The following KIAA0753 variants were observed in gnomAD, a reference collection of about 807,000 sequenced individuals.
The protein encoded by KIAA0753 is KIAA0753, also known as protein moonraker.
A neutral mutation model predicts 116.9 loss-of-function variants in KIAA0753; 114 were observed. That is an observed-to-expected ratio of 0.98 (90% CI 0.84 to 1.14). KIAA0753 has a LOEUF of 1.14. Ranked by LOEUF, KIAA0753 falls within the 50% of genes most tolerant of loss-of-function variation. The probability of loss-of-function intolerance (pLI) is 0.00; values close to 1 mark genes in which losing one functional copy is unlikely to be tolerated. For synonymous variants in KIAA0753, 405 were observed against 413.1 expected (o/e 0.98, Z 0.24); for missense variants, 1,156 against 1,172.4 (o/e 0.99, Z 0.20).
intron 18 of KIAA0753, among the ~76,000 whole-genome samples, chr17:6,588,137 G>A (rs577665360): frequency 5.3e-5 from 8 of 152,176 alleles, no homozygotes; most frequent in East Asian, 3.9e-4. Flanking sequence ...ACCCCTATTC[G>A]CAGCTAAGTG....
At chr17:6,580,575 C>T (rs1481214992) in intron 18 of KIAA0753, among the ~76,000 whole-genome samples, 1 of 152,068 alleles carries the variant, frequency 6.6e-6, no homozygotes, top group Non-Finnish European at 1.5e-5. Context: ...CTTGGCCTCC[C>T]AAAGTGCTGG....
chr17:6,594,451 G>C lies in KIAA0753; in HGVS notation c.2440+521C>G, dbSNP rs907849700. 2.6e-5 allele frequency among the ~76,000 whole-genome samples: 4 copies of C among 152,196 alleles called. No individual in the cohort carries two copies. The South Asian group carries it at 8.3e-4, about 32-fold the overall frequency. ...TTATAAAACACTATGGTGAATGAAA[G>C]AAGTCTAGGCAAAAGAGTACACACC... On this transcript the variant is annotated intron_variant, in intron 16 of 18. Transcript: ENST00000361413.
Position 6,628,585 on chromosome 17 carries a change from C to A in KIAA0753, c.250G>T (p.Gly84Cys), listed in dbSNP as rs1971827379. ...DADCRVGPDL[G>C]SSVSFSVISQ... The stretch of plus-strand genomic sequence containing the variant: ...ATGACGGAAAATGAAACAGAACTGC[C>A]CAGGTCAGGACCAACTCTACAATCT... The change falls in exon 3 of 19, where the codon GGC becomes TGC. Residue 84 changes from glycine (G) to cysteine (C), a missense_variant. By Grantham distance (159) the Gly-to-Cys change is radical (BLOSUM62 -3). Transcript: ENST00000361413. The A allele has an allele frequency of 6.2e-7, 1 of 1,614,096 alleles. No individual in the cohort carries two copies. Among genetic ancestry groups the A allele is most frequent in the South Asian group, 1.1e-5 (1 of 91,088 alleles).
At chr17:6,623,620 T>G (rs2150890733) in intron 4 of KIAA0753, 49 bp from the exon 5 acceptor site, 1 of 1,576,556 alleles carries the variant, frequency 6.3e-7, no homozygotes, top group Non-Finnish European at 8.6e-7. Flanking sequence ...TCCATTGATC[T>G]TTTTTGTAGA....
rs1050352747 is a variant in KIAA0753, at chr17:6,590,570, T to G, written c.2501A>C (p.Lys834Thr). 21 of 1,613,990 alleles carry G rather than the reference T, an allele frequency of 1.3e-5. No individual in the cohort carries two copies. Among genetic ancestry groups the G allele is most frequent in the African/African-American group, 4.0e-5 (3 of 74,922 alleles). Residue 834 changes from lysine to threonine, a missense_variant, in exon 17 of 19, where the codon AAG (lysine) becomes ACG (threonine). Lys to Thr is a moderately conservative substitution (Grantham distance 78). Coordinates refer to ENST00000361413, the MANE Select transcript of KIAA0753 (RefSeq NM_014804.3). ...GGCTGGATCCTTGCGATCCACTGTC[T>G]TCGTGATTCTGATTGGATGAGGAGA... ...PLSPHPIRITKTVDRKDPAVN... is the reference protein window; with the variant it reads ...PLSPHPIRITTTVDRKDPAVN...
intron 8 of KIAA0753, among the ~76,000 whole-genome samples, chr17:6,610,674 C>G (rs1373361612): frequency 6.6e-6 from 1 of 151,710 alleles, no homozygotes; most frequent in East Asian, 1.9e-4. Flanking sequence ...GTGTTAGATA[C>G]CATGCCTGGC....
At position 6,628,121 on chromosome 17, in the gene KIAA0753, T is replaced by C; in HGVS notation, c.714A>G (p.Lys238=). The C allele has an allele frequency of 1.9e-6, 3 of 1,605,382 alleles. No homozygotes were observed. Among genetic ancestry groups the C allele is most frequent in the Non-Finnish European group, 2.5e-6 (3 of 1,176,596 alleles). The change falls in exon 3 of 19, where the codon AAA becomes AAG. Residue 238 remains lysine, a synonymous_variant. Transcript: ENST00000361413. The part of the protein sequence containing the change: ...SCIHKIEEVT[K]KDRLEEALDP... ...AAAGAATCTAATTTTTCTCACCTTT[T>C]TTAGTTACCTCTTCAATTTTGTGGA...
Position 6,628,735 on chromosome 17 carries a change from G to A in KIAA0753, c.100C>T (p.Leu34=), listed in dbSNP as rs1971842224. Residue 34 remains leucine (L), a synonymous_variant, in exon 3 of 19, where the codon CTG becomes TTG. Transcript: ENST00000361413. ...GTAGGAACATTCCTATTAAACTGCA[G>A]CTGGTTCTTTAAAAAGCAAATAAAA... ...DPKVLQTQNQ[L]QFNRNVPTHS... The A allele has an allele frequency of 6.3e-7, 1 of 1,583,954 alleles. No individual in the cohort carries two copies. Among genetic ancestry groups the A allele is most frequent in the African/African-American group, 1.4e-5 (1 of 73,384 alleles).
intron 18 of KIAA0753, among the ~76,000 whole-genome samples, chr17:6,585,915 GCCT>G (rs1328939081): frequency 6.6e-6 from 1 of 152,028 alleles, no homozygotes; most frequent in Non-Finnish European, 1.5e-5. Context: ...TGTCAACCAA[GCCT>G]CCTATTTCCT....
At chr17:6,605,088 G>C (rs1390121046) in intron 12 of KIAA0753, among the ~76,000 whole-genome samples, 1 of 75,832 alleles carries the variant, frequency 1.3e-5, no homozygotes, top group African/African-American at 4.5e-5. Flanking sequence ...TCTCTAACTT[G>C]AAAAAAAAAA....
At position 6,623,504 on chromosome 17, in the gene KIAA0753, C is replaced by CTTCTT; in HGVS notation, c.888+4_888+5insAAGAA. On this transcript the variant is annotated splice_donor_region_variant and intron_variant, in intron 5 of 18. Coordinates refer to ENST00000361413, the MANE Select transcript of KIAA0753 (RefSeq NM_014804.3). ...AGTATTGATCATAATTTAATTGCAGCATACCTTCTTAGTGTGTTTAATTTT... is the reference window on the plus strand; with the variant it reads ...AGTATTGATCATAATTTAATTGCAGCTTCTTATACCTTCTTAGTGTGTTTAATTTT... 1.3e-6 allele frequency: 2 copies of CTTCTT among 1,589,562 alleles called. No homozygotes were observed. Among genetic ancestry groups the CTTCTT allele is most frequent in the South Asian group, 2.2e-5 (2 of 88,932 alleles).
rs760624766 is a variant in KIAA0753, at chr17:6,599,197, A to C, written c.2172+40T>G. The C allele has an allele frequency of 4.4e-6, 6 of 1,376,498 alleles. No homozygotes were observed. In the South Asian group the frequency reaches 7.0e-5, roughly 16 times the overall value. The allele number at this position is 1,376,498 out of a possible 1,614,324, so 85.3% of individuals were successfully genotyped here. On this transcript the variant is annotated intron_variant, in intron 14 of 18. Coordinates refer to ENST00000361413, the MANE Select transcript of KIAA0753 (RefSeq NM_014804.3). ...TTTCATTACAACTAAAGATGTTATC[A>C]AGCAATAATACCAGAATGCCAATAT...
Position 6,627,085 on chromosome 17 carries a change from T to A in KIAA0753, c.718+1032A>T, listed in dbSNP as rs555428995. ...CTTTAAGAAGACCTACAGGAGAAAT[T>A]TCTTTCTGGCCTTAATATGTGGAAT... On this transcript the variant is annotated intron_variant, in intron 3 of 18. Transcript: ENST00000361413. Among the ~76,000 whole-genome samples the A allele has an allele frequency of 5.3e-5, 8 of 152,292 alleles. No individual in the cohort carries two copies. In the South Asian group the frequency reaches 1.7e-3, roughly 32 times the overall value.
At chr17:6,590,296 TA>T (rs551770673) in intron 17 of KIAA0753, among the ~76,000 whole-genome samples, 142 of 152,232 alleles carry the variant, frequency 9.3e-4, no homozygotes, top group African/African-American at 3.3e-3. Context: ...AAAAAACAGC[TA>T]AATGTTATTG....
rs1468307278 is a variant in KIAA0753 at position 6,578,425 on chromosome 17, T to G, written c.*1322A>C. 1.3e-5 allele frequency: 2 copies of G among 152,214 alleles called. No individual in the cohort carries two copies. Among genetic ancestry groups the G allele is most frequent in the Admixed American group, 1.3e-4 (2 of 15,280 alleles). 9.4% of individuals were successfully genotyped at this position (152,214 alleles called of 1,614,324 possible). A position where few individuals can be genotyped will look rare whatever the true frequency, so the allele number is the denominator to read the frequency against. On this transcript the variant is annotated 3_prime_UTR_variant, in exon 19 of 19. Coordinates refer to ENST00000361413, the MANE Select transcript of KIAA0753 (RefSeq NM_014804.3). ...CAACCGGTGCTCCTATTAATTCAAG[T>G]GTACACATTTAACTCCCCAGGTTAA...
At position 6,589,987 on chromosome 17, in the gene KIAA0753, C is replaced by A; in HGVS notation, c.2578G>T (p.Val860Leu). The A allele has an allele frequency of 6.4e-7, 1 of 1,565,270 alleles. No individual in the cohort carries two copies. The highest frequency in any genetic ancestry group is 1.2e-5 in the South Asian group (1 of 83,286). The change falls in exon 18 of 19, where the codon GTG becomes TTG. Residue 860 changes from valine (V) to leucine (L), a missense_variant. Coordinates refer to ENST00000361413, the MANE Select transcript of KIAA0753 (RefSeq NM_014804.3). ...TTCTCTGATCCTTCCTCTGTTCCCA[C>A]ACTTTCATCCAGGGAACTGAGAACA... ...PCNGNSLDES[V>L]GTEEGSEKRE...
At chr17:6,609,879 A>G (rs1393127012) in intron 9 of KIAA0753, 115 bp downstream of exon 9, 12 of 1,153,104 alleles carry the variant, frequency 1.0e-5, no homozygotes. Flanking sequence ...TTTCTGCTTA[A>G]TGGAAAAAAT....
rs747004423 is a variant in KIAA0753 at position 6,606,935 on chromosome 17, A to G, written c.1947T>C (p.Ser649=). 6.2e-7 allele frequency: 1 copy of G among 1,614,116 alleles called. No individual in the cohort carries two copies. Among genetic ancestry groups the G allele is most frequent in the African/African-American group, 1.3e-5 (1 of 75,036 alleles). ...QRLDWLDAET[S]RRTKELNELK... Reference sequence around the variant, plus strand: ...GCTCATTCAGTTCCTTTGTTCTTCTAGAAGTTTCAGCATCAAGCCAATCAA... The same window carrying G: ...GCTCATTCAGTTCCTTTGTTCTTCTGGAAGTTTCAGCATCAAGCCAATCAA... The change falls in exon 12 of 19, where the codon TCT becomes TCC. Residue 649 remains serine (S), a synonymous_variant. Transcript: ENST00000361413.
At position 6,628,489 on chromosome 17, in the gene KIAA0753, G is replaced by A; in HGVS notation, c.346C>T (p.His116Tyr). 6.2e-7 allele frequency: 1 copy of A among 1,614,156 alleles called. No individual in the cohort carries two copies. Among genetic ancestry groups the A allele is most frequent in the South Asian group, 1.1e-5 (1 of 91,084 alleles). The change falls in exon 3 of 19, where the codon CAT becomes TAT. Residue 116 changes from histidine (H) to tyrosine (Y), a missense_variant. Physicochemically the swap from His to Tyr is moderately conservative, Grantham distance 83. Coordinates refer to ENST00000361413, the MANE Select transcript of KIAA0753 (RefSeq NM_014804.3). ...RDVKRRQFEKHIKEHHLRSQP... is the reference protein window; with the variant it reads ...RDVKRRQFEKYIKEHHLRSQP... ...CTTCTGAGATGATGTTCTTTTATAT[G>A]TTTTTCAAATTGTCTTCGTTTCACA...
Sources: gnomAD v4.1 joint callset for allele counts (sites outside exome capture counted in the v4.1 genomes callset) on GRCh38, gnomAD v4.1.1 for gene constraint, MANE v1.5 for transcripts, NCBI Gene and HGNC (gene_info 2026-07-23, HGNC 2026-07-21) for gene names.